PPP6R2: variants seen among roughly 807,000 people sequenced by gnomAD.
PPP6R2 encodes protein phosphatase 6 regulatory subunit 2.
PPP6R2 carries 62 observed loss-of-function variants against 100.2 expected under a neutral mutation model. The ratio of observed to expected loss-of-function variants is 0.62; its 90% CI spans 0.50 to 0.76. PPP6R2 has a LOEUF of 0.76. PPP6R2 is among the 30% of genes least tolerant of loss of function. The pLI is 0.00. For missense variants in PPP6R2, 1,142 were observed against 1,276.3 expected (o/e 0.89, Z 1.60); for synonymous variants, 525 against 514.7 (o/e 1.02, Z -0.27).
chr22:50,374,944 AAAAC>A (rs1366868027), intron 2 of PPP6R2, among the ~76,000 whole-genome samples: 2 of 151,670 alleles, frequency 1.3e-5, no homozygotes, highest in Non-Finnish European at 1.5e-5. Context: ...GAAAAAGAAA[AAAAC>A]AAACCCACAC....
At chr22:50,353,400 G>A (rs1358133415) in intron 1 of PPP6R2, among the ~76,000 whole-genome samples, 5 of 152,108 alleles carry the variant, frequency 3.3e-5, no homozygotes, top group East Asian at 1.9e-4. Context: ...GGAAATGGCC[G>A]GTCAGAACTT....
chr22:50,416,186 C>T (rs1027964734), intron 6 of PPP6R2, 29 bp downstream of exon 6: 14 of 1,600,376 alleles, frequency 8.7e-6, no homozygotes, highest in Non-Finnish European at 1.1e-5. Context: ...GAGCTTCGTG[C>T]ATCAGTCCAG....
upstream of PPP6R2, among the ~76,000 whole-genome samples, chr22:50,341,051 C>A (rs570326122): frequency 6.6e-6 from 1 of 152,100 alleles, no homozygotes; most frequent in Non-Finnish European, 1.5e-5. Context: ...GCTGGGACTG[C>A]AGGCGCCCGC....
chr22:50,436,543 G>A, intron 14 of PPP6R2, 91 bp downstream of exon 14: 2 of 1,301,970 alleles, frequency 1.5e-6, no homozygotes, highest in Admixed American at 4.0e-5. Context: ...AGAGGCCAAG[G>A]GAGGCACAAG....
upstream of PPP6R2, among the ~76,000 whole-genome samples, chr22:50,340,497 AGG>A (rs1470025843): frequency 1.5e-5 from 1 of 65,234 alleles, no homozygotes; most frequent in East Asian, 4.7e-4. Context: ...TGGTGTGTGT[AGG>A]GTGTGGTGTG....
chr22:50,436,217 A>G (rs2064226044), intron 13 of PPP6R2, 150 bp from the exon 14 acceptor site: 2 of 669,540 alleles, frequency 3.0e-6, no homozygotes, highest in East Asian at 5.5e-5. Context: ...CTCATCCGGC[A>G]AAGCCCCTGC....
intron 1 of PPP6R2, among the ~76,000 whole-genome samples, chr22:50,350,707 T>C (rs2044887754): frequency 6.6e-6 from 1 of 150,926 alleles, no homozygotes. Context: ...TAGCCGGGTG[T>C]GGTGGTGGGC....
chr22:50,380,624 G>A (rs1179940715), intron 2 of PPP6R2, among the ~76,000 whole-genome samples: 2 of 151,432 alleles, frequency 1.3e-5, no homozygotes, highest in Non-Finnish European at 2.9e-5. Context: ...CTCCCAAAGT[G>A]CTGGGATTAC....
intron 1 of PPP6R2, among the ~76,000 whole-genome samples, chr22:50,353,263 G>C (rs994593042): frequency 6.6e-6 from 1 of 152,118 alleles, no homozygotes; most frequent in Non-Finnish European, 1.5e-5. Context: ...AGCATTTCTA[G>C]CTTTTGATCG....
At chr22:50,333,390 G>A in the PPP6R2 span, among the ~76,000 whole-genome samples, 2 of 150,084 alleles carry the variant, frequency 1.3e-5, no homozygotes, top group African/African-American at 4.9e-5. Context: ...AGGCTAGAGT[G>A]CAGTGGCACA....
the PPP6R2 span, among the ~76,000 whole-genome samples, chr22:50,333,197 G>C: frequency 6.6e-6 from 1 of 152,182 alleles, no homozygotes; most frequent in South Asian, 2.1e-4. Flanking sequence ...GATGATAATT[G>C]TGAGGGTTTT....
At chr22:50,429,259 G>T (rs537950524) in intron 10 of PPP6R2, among the ~76,000 whole-genome samples, 18 of 152,188 alleles carry the variant, frequency 1.2e-4, no homozygotes, top group Non-Finnish European at 2.4e-4. Context: ...TTGAACTCCT[G>T]ACCTCAGGTG....
At chr22:50,405,358 G>A (rs536876849) in intron 3 of PPP6R2, among the ~76,000 whole-genome samples, 27 of 146,964 alleles carry the variant, frequency 1.8e-4, no homozygotes, top group Non-Finnish European at 3.6e-4. Context: ...GGCCTGGAGA[G>A]AGGTGAGAGG....
intron 1 of PPP6R2, among the ~76,000 whole-genome samples, chr22:50,359,176 T>C (rs1313931431): frequency 3.3e-5 from 5 of 151,458 alleles, no homozygotes; most frequent in African/African-American, 7.3e-5. Context: ...ATGTTTGTAT[T>C]GTTAGTAGAG....
intron 1 of PPP6R2, among the ~76,000 whole-genome samples, chr22:50,359,751 T>C (rs1239953504): frequency 1.3e-5 from 2 of 152,330 alleles, no homozygotes; most frequent in African/African-American, 4.8e-5. Flanking sequence ...GTTGAGGCTT[T>C]TTACATCTAC....
At chr22:50,402,137 G>A (rs948155377) in intron 3 of PPP6R2, among the ~76,000 whole-genome samples, 12 of 151,608 alleles carry the variant, frequency 7.9e-5, no homozygotes, top group Non-Finnish European at 5.9e-5. Context: ...TCATAAGTGG[G>A]GCCCTAGATC....
Position 50,431,004 on chromosome 22 carries a change from TAG to T in PPP6R2, c.1126-163_1126-162del, listed in dbSNP as rs1292955495. 1.3e-5 allele frequency among the ~76,000 whole-genome samples: 2 copies of T among 151,768 alleles called. No individual in the cohort carries two copies. Among genetic ancestry groups the T allele is most frequent in the Admixed American group, 1.3e-4 (2 of 15,238 alleles). On this transcript the variant is annotated intron_variant, in intron 10 of 23. Coordinates refer to ENST00000612753, the MANE Select transcript of PPP6R2 (RefSeq NM_001242898.2). The surrounding 1 kb of genome is among the most constrained non-coding windows in gnomAD (Gnocchi z 4.8). ...GTGGCTATTTGAAGAAGCTCCGTAA[TAG>T]AGAGATGACCCTCAGGAAAACGCTT...
At chr22:50,339,362 G>A (rs1601853335), upstream of PPP6R2, among the ~76,000 whole-genome samples, 1 of 143,552 alleles carries the variant, frequency 7.0e-6, no homozygotes, top group Non-Finnish European at 1.5e-5. Context: ...GGTATGTGGT[G>A]TGTGTGGCTT....
In PPP6R2 at chr22:50,437,554, C is replaced by T; in HGVS notation, c.1732C>T (p.Gln578Ter). 7.0e-7 allele frequency: 1 copy of T among 1,420,678 alleles called. No homozygotes were observed. The highest frequency in any genetic ancestry group is 9.4e-7 in the Non-Finnish European group (1 of 1,058,852). 88.0% of individuals were successfully genotyped at this position (1,420,678 alleles called of 1,614,324 possible). The change falls in exon 16 of 24, where the codon CAG becomes TAG. Residue 578 changes from glutamine (Q) to a stop codon, truncating the protein, a stop_gained. Transcript: ENST00000612753. LOFTEE classifies it high-confidence loss of function. ...IQQMTANFVD[Q>*]FGFNDEEFAD... ...GCAGATGACAGCCAACTTCGTGGAT[C>T]AGTTTGGCTTCAATGATGAGGAGTT...
Sources: allele counts gnomAD v4.1 joint callset (sites outside exome capture counted in the v4.1 genomes callset), GRCh38; gene constraint gnomAD v4.1.1; non-coding constraint Gnocchi (gnomAD v3.1); transcripts MANE v1.5; gene names NCBI Gene and HGNC (gene_info 2026-07-23, HGNC 2026-07-21).